Variants in DENND1B observed in about 807,000 individuals in gnomAD.
The protein encoded by DENND1B is DENN domain-containing protein 1B.
DENND1B carries 59 observed loss-of-function variants against 90.1 expected under a neutral mutation model. The observed-to-expected ratio is 0.65, with a 90% confidence interval of 0.53 to 0.81. The LOEUF (loss-of-function observed/expected upper bound fraction) is 0.81, where lower values mean the gene tolerates loss of function less well. DENND1B is among the 40% of genes least tolerant of loss of function. The probability of loss-of-function intolerance (pLI) is 0.00; values close to 1 mark genes in which losing one functional copy is unlikely to be tolerated. For missense variants in DENND1B, 862 were observed against 912.6 expected (o/e 0.94, Z 0.71); for synonymous variants, 337 against 324.6 (o/e 1.04, Z -0.41).
chr1:197,738,662 A>C (rs1413512753), intron 2 of DENND1B, among the ~76,000 whole-genome samples: 1 of 152,232 alleles, frequency 6.6e-6, no homozygotes, highest in Non-Finnish European at 1.5e-5. Context: ...CTAACCATAG[A>C]TGCAGAATGT....
intron 15 of DENND1B, among the ~76,000 whole-genome samples, chr1:197,563,420 C>T (rs1442682697): frequency 6.6e-6 from 1 of 151,990 alleles, no homozygotes; most frequent in Admixed American, 6.6e-5. Flanking sequence ...GCTGAGTCTA[C>T]TCTGCCTGTG....
intron 15 of DENND1B, among the ~76,000 whole-genome samples, chr1:197,578,078 G>T (rs1036606322): frequency 1.2e-4 from 19 of 152,124 alleles, no homozygotes; most frequent in African/African-American, 4.6e-4. Context: ...CTGAAAGAAG[G>T]AGTGTCCAGG....
intron 15 of DENND1B, among the ~76,000 whole-genome samples, chr1:197,572,190 G>A (rs1466583864): frequency 6.6e-6 from 1 of 152,088 alleles, no homozygotes; most frequent in Non-Finnish European, 1.5e-5. Context: ...GACTGTACCT[G>A]GAAAAACGGG....
Position 197,652,318 on chromosome 1 carries a change from A to AG in DENND1B, c.367-4dup. On this transcript the variant is annotated splice_region_variant and splice_polypyrimidine_tract_variant and intron_variant, in intron 6 of 22. Transcript: ENST00000620048. Reference sequence around the variant, plus strand: ...AGAGTTTCATTCAAATCATTTTCCTAGGGCAAAAGAAAAAGTACATTTTAT... The same window carrying AG: ...AGAGTTTCATTCAAATCATTTTCCTAGGGGCAAAAGAAAAAGTACATTTTAT... 1 of 1,606,332 alleles carries AG rather than the reference A, an allele frequency of 6.2e-7. No homozygotes were observed. Among genetic ancestry groups the AG allele is most frequent in the Non-Finnish European group, 8.5e-7 (1 of 1,177,410 alleles).
At chr1:197,699,947 A>C (rs1558418067) in intron 3 of DENND1B, among the ~76,000 whole-genome samples, 1 of 152,152 alleles carries the variant, frequency 6.6e-6, no homozygotes, top group East Asian at 1.9e-4. Context: ...ACCACTGCTC[A>C]AGGAAATAAG....
intron 10 of DENND1B, among the ~76,000 whole-genome samples, chr1:197,634,562 T>C (rs559710356): frequency 9.8e-5 from 15 of 152,320 alleles, no homozygotes; most frequent in African/African-American, 3.6e-4. Context: ...TCCATGAATC[T>C]GAAAAGGGTT....
At chr1:197,598,804 G>C (rs186945986) in intron 13 of DENND1B, among the ~76,000 whole-genome samples, 4 of 151,760 alleles carry the variant, frequency 2.6e-5, no homozygotes, top group East Asian at 3.9e-4. Flanking sequence ...CTTCACAAAG[G>C]ACATTTTATT....
At chr1:197,730,606 G>A (rs967211748) in intron 2 of DENND1B, among the ~76,000 whole-genome samples, 7 of 151,854 alleles carry the variant, frequency 4.6e-5, no homozygotes, top group African/African-American at 7.3e-5. Context: ...AATTCTTTAC[G>A]GTTAATCACA....
At chr1:197,632,501 A>G (rs1003804472) in intron 10 of DENND1B, among the ~76,000 whole-genome samples, 1 of 152,166 alleles carries the variant, frequency 6.6e-6, no homozygotes, top group African/African-American at 2.4e-5. Flanking sequence ...CTCCCATGTT[A>G]GAATTTTTAT....
At chr1:197,602,209 T>C (rs1676273182) in intron 13 of DENND1B, among the ~76,000 whole-genome samples, 1 of 151,626 alleles carries the variant, frequency 6.6e-6, no homozygotes, top group South Asian at 2.1e-4. Context: ...AAACAGACTT[T>C]AAAAGCAAGT....
intron 10 of DENND1B, among the ~76,000 whole-genome samples, chr1:197,619,594 C>A (rs891587889): frequency 6.6e-6 from 1 of 150,984 alleles, no homozygotes; most frequent in African/African-American, 2.4e-5. Flanking sequence ...AGGAAAAACA[C>A]GTTCTTAATG....
chr1:197,615,941 G>T (rs535074857), intron 11 of DENND1B, among the ~76,000 whole-genome samples: 7 of 151,006 alleles, frequency 4.6e-5, no homozygotes, highest in African/African-American at 1.5e-4. Context: ...TTACTTCATT[G>T]AATTTTATGG....
At chr1:197,665,809 A>C (rs1438321524) in intron 5 of DENND1B, among the ~76,000 whole-genome samples, 1 of 152,146 alleles carries the variant, frequency 6.6e-6, no homozygotes, top group Non-Finnish European at 1.5e-5. Context: ...CACAAATGAG[A>C]AGATTTTTAT....
chr1:197,718,075 A>G (rs1300468858), intron 2 of DENND1B, among the ~76,000 whole-genome samples: 1 of 152,062 alleles, frequency 6.6e-6, no homozygotes, highest in African/African-American at 2.4e-5. Context: ...AACAATGAGA[A>G]GTGTGATTTA....
At chr1:197,686,852 T>C (rs549612589) in intron 3 of DENND1B, among the ~76,000 whole-genome samples, 185 of 152,232 alleles carry the variant, frequency 1.2e-3, no homozygotes, top group Middle Eastern at 0.01. Flanking sequence ...GAATCTACTC[T>C]CACTGCTATA....
intron 7 of DENND1B, 101 bp downstream of exon 7, chr1:197,652,134 C>A: frequency 1.1e-6 from 1 of 882,112 alleles, no homozygotes; most frequent in African/African-American, 1.7e-5. Flanking sequence ...TTCCTGGAAG[C>A]AGAGATGACT....
intron 10 of DENND1B, among the ~76,000 whole-genome samples, chr1:197,635,204 CTT>C (rs1679677394): frequency 6.6e-6 from 1 of 152,120 alleles, no homozygotes; most frequent in Non-Finnish European, 1.5e-5. Flanking sequence ...CAGATGAACA[CTT>C]TATATTTTAC....
At position 197,707,646 on chromosome 1, in the gene DENND1B, T is replaced by C. The variant is rs933019272; in HGVS notation, c.126+7385A>G. ...AATATAATACATATATTATATAATATACATATATTATATACATATATAATA... is the reference window on the plus strand; with the variant it reads ...AATATAATACATATATTATATAATACACATATATTATATACATATATAATA... On this transcript the variant is annotated intron_variant, in intron 3 of 22. Coordinates refer to ENST00000620048, the MANE Select transcript of DENND1B (RefSeq NM_001195215.2). Among the ~76,000 whole-genome samples the C allele has an allele frequency of 7.5e-5, 11 of 146,850 alleles. No homozygotes were observed. In the East Asian group the frequency reaches 9.8e-4, roughly 13 times the overall value.
At chr1:197,600,974 A>AG (rs2125823253) in intron 13 of DENND1B, among the ~76,000 whole-genome samples, 1 of 151,634 alleles carries the variant, frequency 6.6e-6, no homozygotes, top group South Asian at 2.1e-4. Context: ...TGCACCACAG[A>AG]GACACACATG....
Sources: gnomAD v4.1 joint callset for allele counts (sites outside exome capture counted in the v4.1 genomes callset) on GRCh38, gnomAD v4.1.1 for gene constraint, MANE v1.5 for transcripts, NCBI Gene and HGNC (gene_info 2026-07-23, HGNC 2026-07-21) for gene names.